The following GAK variants were observed in gnomAD, a reference collection of about 807,000 sequenced individuals.
GAK encodes cyclin-G-associated kinase.
In GAK, 79 loss-of-function variants were observed where a neutral mutation model predicts 143.9. The observed-to-expected ratio is 0.55, with a 90% confidence interval of 0.46 to 0.66. The LOEUF (loss-of-function observed/expected upper bound fraction) is 0.66. GAK is among the 30% of genes least tolerant of loss of function. GAK has a pLI of 0.00. For synonymous variants in GAK, 881 were observed against 765.5 expected (o/e 1.15, Z -2.49); for missense variants, 1,693 against 1,779.7 (o/e 0.95, Z 0.88).
rs763842405 is a variant in GAK at position 911,654 on chromosome 4, G to A, written c.382+19C>T. 9 of 1,578,376 alleles carry A rather than the reference G, an allele frequency of 5.7e-6. No homozygotes were observed. Among genetic ancestry groups the A allele is most frequent in the East Asian group, 4.5e-5 (2 of 44,642 alleles). Reference sequence around the variant, plus strand: ...CTGCTGGGTTAGATGGCACCAAGCCGGCCTTCACAGGACGTTACCTTTACA... The same window carrying A: ...CTGCTGGGTTAGATGGCACCAAGCCAGCCTTCACAGGACGTTACCTTTACA... On this transcript the variant is annotated intron_variant, in intron 4 of 27. Transcript: ENST00000314167.
intron 18 of GAK, among the ~76,000 whole-genome samples, chr4:871,693 T>C (rs1049884487): frequency 6.9e-6 from 1 of 145,642 alleles, no homozygotes; most frequent in Non-Finnish European, 1.5e-5. Context: ...GTGTCGGCCA[T>C]GTGGGTGGGG....
intron 21 of GAK, 67 bp from the exon 22 acceptor site, chr4:866,601 G>A (rs545094842): frequency 1.3e-6 from 2 of 1,545,990 alleles, no homozygotes; most frequent in African/African-American, 1.4e-5. Flanking sequence ...GCCCAGCTCT[G>A]GAGTCAGGCC....
At chr4:883,287 C>A in intron 13 of GAK, 28 bp downstream of exon 13, 2 of 1,610,196 alleles carry the variant, frequency 1.2e-6, no homozygotes, top group African/African-American at 1.3e-5. Context: ...TCCAGAGTGG[C>A]ACCAAGACAA....
chr4:911,655 G>C lies in GAK; in HGVS notation c.382+18C>G. On this transcript the variant is annotated intron_variant, in intron 4 of 27. Transcript: ENST00000314167. ...TGCTGGGTTAGATGGCACCAAGCCGGCCTTCACAGGACGTTACCTTTACAG... is the reference window on the plus strand; with the variant it reads ...TGCTGGGTTAGATGGCACCAAGCCGCCCTTCACAGGACGTTACCTTTACAG... The C allele has an allele frequency of 1.3e-6, 2 of 1,580,584 alleles. No individual in the cohort carries two copies. Among genetic ancestry groups the C allele is most frequent in the South Asian group, 2.2e-5 (2 of 90,422 alleles).
chr4:870,689 T>G, intron 19 of GAK, 22 bp downstream of exon 19: 6 of 1,611,530 alleles, frequency 3.7e-6, no homozygotes, highest in Non-Finnish European at 5.1e-6. Flanking sequence ...AGGGTTCACC[T>G]AATTCACCTG....
intron 5 of GAK, 108 bp from the exon 6 acceptor site, chr4:898,266 T>TC: frequency 1.5e-6 from 2 of 1,325,132 alleles, no homozygotes; most frequent in South Asian, 2.7e-5. Flanking sequence ...CAGACAGCAC[T>TC]CGCCCAGGGC....
chr4:873,377 G>A (rs930442864), intron 18 of GAK, among the ~76,000 whole-genome samples: 3 of 152,108 alleles, frequency 2.0e-5, no homozygotes, highest in Non-Finnish European at 2.9e-5. Context: ...GAGATGCCTT[G>A]AGACTTGCTG....
At chr4:907,064 G>GC (rs1045770941) in intron 4 of GAK, among the ~76,000 whole-genome samples, 3 of 152,226 alleles carry the variant, frequency 2.0e-5, no homozygotes, top group African/African-American at 4.8e-5. Context: ...GAGTCACTGA[G>GC]CCCCCGATGC....
intron 4 of GAK, among the ~76,000 whole-genome samples, chr4:907,224 G>A (rs956035528): frequency 7.2e-5 from 11 of 152,178 alleles, no homozygotes; most frequent in Admixed American, 3.3e-4. Context: ...GCACAGCCCA[G>A]CACTGCCCCC....
rs544662319 is a variant in GAK, at chr4:877,977, ATGTG to A, written c.1662-172_1662-169del. On this transcript the variant is annotated intron_variant, in intron 15 of 27. Transcript: ENST00000314167. ...ATAATTTTCATTTAGTTATATATAT[ATGTG>A]TGTGTGTATACATATATGTATTTTT... Among the ~76,000 whole-genome samples, 1,376 of 152,122 alleles carry A rather than the reference ATGTG, an allele frequency of 9.0e-3. 14 individuals are homozygous for A. The highest frequency in any genetic ancestry group is 0.032 in the African/African-American group (1,308 of 41,478).
rs149678181 is a variant in GAK at position 865,135 on chromosome 4, C to G, written c.3153G>C (p.Thr1051=). 3.7e-6 allele frequency: 6 copies of G among 1,608,718 alleles called. No individual in the cohort carries two copies. Residue 1051 remains threonine, a synonymous_variant, in exon 23 of 28, where the codon ACG becomes ACC. Coordinates refer to ENST00000314167, the MANE Select transcript of GAK (RefSeq NM_005255.4). ...TGGTGGCCATACCTTCTGTGGCTGG[C>G]GTGGGGGCCACTGCCGATGCTGCAG... ...TETAASAVAP[T]PATEGPLFSP... is the part of the protein sequence containing the mutation.
intron 5 of GAK, among the ~76,000 whole-genome samples, 192 bp downstream of exon 5, chr4:904,445 C>T (rs562453510): frequency 8.4e-5 from 12 of 142,458 alleles, no homozygotes; most frequent in East Asian, 6.3e-4. Flanking sequence ...GAGCGGGACC[C>T]GCACACAGAG....
intron 4 of GAK, among the ~76,000 whole-genome samples, chr4:907,130 G>A (rs2152922666): frequency 6.6e-6 from 1 of 152,352 alleles, no homozygotes; most frequent in Non-Finnish European, 1.5e-5. Context: ...AAGGCATGGT[G>A]TGAGAGCCGG....
chr4:891,333 G>A (rs1717618977), intron 9 of GAK, among the ~76,000 whole-genome samples: 1 of 150,472 alleles, frequency 6.6e-6, no homozygotes, highest in Admixed American at 6.6e-5. Context: ...GGCATGATCT[G>A]GGCTCACTGC....
intron 12 of GAK, among the ~76,000 whole-genome samples, chr4:883,773 C>G (rs1009111759): frequency 1.3e-5 from 2 of 152,242 alleles, no homozygotes; most frequent in African/African-American, 4.8e-5. Context: ...CCCTGGTTTT[C>G]CACGGACACG....
In GAK at chr4:894,069, C is replaced by T. The variant is rs1463585227; in HGVS notation, c.742-60G>A. 22 of 1,479,380 alleles carry T rather than the reference C, an allele frequency of 1.5e-5. 1 individual carries two copies. In the Middle Eastern group the frequency reaches 1.4e-3, roughly 97 times the overall value. The allele number at this position is 1,479,380 out of a possible 1,614,324, so 91.6% of individuals were successfully genotyped here. On this transcript the variant is annotated intron_variant, in intron 7 of 27. Transcript: ENST00000314167. ...GGGGAGCGCAGGGGTGACGCCTGGGCCTGCGGGGAGAGCAGGGGTGATGCC... is the reference window on the plus strand; with the variant it reads ...GGGGAGCGCAGGGGTGACGCCTGGGTCTGCGGGGAGAGCAGGGGTGATGCC...
intron 2 of GAK, 58 bp from the exon 3 acceptor site, chr4:912,852 C>G: frequency 6.8e-7 from 1 of 1,475,464 alleles, no homozygotes; most frequent in Non-Finnish European, 9.5e-7. Context: ...CCTACTCCAC[C>G]CGATGCATCA....
In GAK at chr4:924,855, G is replaced by C. The variant is rs1381810323; in HGVS notation, c.145+7188C>G. On this transcript the variant is annotated intron_variant, in intron 1 of 27. Transcript: ENST00000314167. ...CCCCCGGGGGGCTGCTCTCAGGATA[G>C]TGAGTGCTCTCCTGTGAGATCTGAT... Among the ~76,000 whole-genome samples, 3 of 148,366 alleles carry C rather than the reference G, an allele frequency of 2.0e-5. 1 individual carries two copies. In the South Asian group the frequency reaches 6.5e-4, roughly 32 times the overall value.
At chr4:916,277 T>C (rs1723077164) in intron 1 of GAK, among the ~76,000 whole-genome samples, 1 of 152,210 alleles carries the variant, frequency 6.6e-6, no homozygotes, top group Admixed American at 6.5e-5. Flanking sequence ...TTTTTTCTTC[T>C]GAGACAGGGT....
Sources: gnomAD v4.1 joint callset for allele counts (sites outside exome capture counted in the v4.1 genomes callset) on GRCh38, gnomAD v4.1.1 for gene constraint, MANE v1.5 for transcripts, NCBI Gene and HGNC (gene_info 2026-07-23, HGNC 2026-07-21) for gene names.